The following CDK15 variants were observed in gnomAD, a reference collection of about 807,000 sequenced individuals.
CDK15 encodes the protein cyclin-dependent kinase 15.
A neutral mutation model predicts 60.3 loss-of-function variants in CDK15; 62 were observed. That is an observed-to-expected ratio of 1.03 (90% CI 0.84 to 1.27). The LOEUF (loss-of-function observed/expected upper bound fraction) is 1.27. Among genes scored for constraint, CDK15 ranks in the 50% most tolerant of loss-of-function variants. CDK15 has a pLI of 0.00. For synonymous variants in CDK15, 194 were observed against 195.7 expected, an observed-to-expected ratio of 0.99 and a Z score of 0.07; for missense variants, 541 against 527.8, an observed-to-expected ratio of 1.03 and a Z score of -0.25.
intron 8 of CDK15, among the ~76,000 whole-genome samples, chr2:201,842,985 G>C (rs986952587): frequency 6.6e-6 from 1 of 152,018 alleles, no homozygotes; most frequent in Non-Finnish European, 1.5e-5. Flanking sequence ...AAGATTTAAG[G>C]ACAAAACAGA....
chr2:201,846,746 T>C (rs1299391142), intron 8 of CDK15, among the ~76,000 whole-genome samples: 1 of 152,138 alleles, frequency 6.6e-6, no homozygotes, highest in African/African-American at 2.4e-5. Context: ...TAAGAAATGC[T>C]GCATCATCAA....
intron 11 of CDK15, 107 bp downstream of exon 11, chr2:201,872,433 G>A (rs929343511): frequency 2.1e-5 from 25 of 1,171,674 alleles, no homozygotes; most frequent in Non-Finnish European, 3.2e-5. Flanking sequence ...GCACTTCCAT[G>A]TGGGGGCTCT....
At chr2:201,823,456 T>C (rs1696320963) in intron 5 of CDK15, among the ~76,000 whole-genome samples, 1 of 152,216 alleles carries the variant, frequency 6.6e-6, no homozygotes, top group Non-Finnish European at 1.5e-5. Context: ...GAAACAGGCT[T>C]TGTTCTAAGA....
rs1372965885 is a variant in CDK15, at chr2:201,894,925, T to C, written c.*1658T>C. On this transcript the variant is annotated 3_prime_UTR_variant, in exon 14 of 14. Transcript: ENST00000652192. The stretch of plus-strand genomic sequence containing the variant: ...TCATCTGACTTAAATTCTTACACTT[T>C]GGGCTACAACTTAAAAAAGGCTATG... 2.0e-5 allele frequency: 3 copies of C among 152,232 alleles called. No homozygotes were observed. The highest frequency in any genetic ancestry group is 7.2e-5 in the African/African-American group (3 of 41,464). The allele number at this position is 152,232 out of a possible 1,614,324, so 9.4% of individuals were successfully genotyped here. A position where few individuals can be genotyped will look rare whatever the true frequency, so the allele number is the denominator to read the frequency against.
At chr2:201,823,048 C>A (rs181959406) in intron 5 of CDK15, 145 bp downstream of exon 5, 19 of 599,310 alleles carry the variant, frequency 3.2e-5, no homozygotes, top group Non-Finnish European at 4.7e-5. Context: ...ATTAGTAGAA[C>A]CTTATTGTTC....
intron 10 of CDK15, among the ~76,000 whole-genome samples, chr2:201,871,895 G>A (rs1457784739): frequency 2.0e-5 from 3 of 151,940 alleles, no homozygotes; most frequent in East Asian, 1.9e-4. Flanking sequence ...CTTCTCTGAC[G>A]CACGTCTATT....
chr2:201,858,204 C>T (rs529514969), intron 10 of CDK15, among the ~76,000 whole-genome samples: 5 of 152,306 alleles, frequency 3.3e-5, no homozygotes, highest in African/African-American at 9.6e-5. Flanking sequence ...TCGGATTTCT[C>T]TGACAGTTAA....
chr2:201,862,817 A>G (rs534204398), intron 10 of CDK15, among the ~76,000 whole-genome samples: 15 of 152,328 alleles, frequency 9.8e-5, no homozygotes, highest in Admixed American at 4.6e-4. Flanking sequence ...CAAAGGGCAG[A>G]TATAATGATT....
At chr2:201,822,702 C>T in intron 4 of CDK15, 107 bp from the exon 5 acceptor site, 5 of 606,110 alleles carry the variant, frequency 8.2e-6, no homozygotes, top group Non-Finnish European at 1.5e-5. Context: ...AGTAAAATAA[C>T]CAGAATGTTT....
chr2:201,879,998 A>G (rs772479995), intron 11 of CDK15, 30 bp from the exon 12 acceptor site: 3 of 1,609,526 alleles, frequency 1.9e-6, no homozygotes, highest in Admixed American at 1.7e-5. Flanking sequence ...GCTGCTGGAG[A>G]AACTCTATTT....
chr2:201,827,808 G>A (rs1344799067), intron 6 of CDK15, among the ~76,000 whole-genome samples: 1 of 152,170 alleles, frequency 6.6e-6, no homozygotes, highest in Non-Finnish European at 1.5e-5. Flanking sequence ...ACTTCAGTGA[G>A]CAGACAAGTG....
chr2:201,886,163 C>A (rs1192588025), intron 12 of CDK15, among the ~76,000 whole-genome samples: 1 of 152,104 alleles, frequency 6.6e-6, no homozygotes, highest in Non-Finnish European at 1.5e-5. Flanking sequence ...CCACACATCT[C>A]CAGGTAGCGT....
rs547917691 is a variant in CDK15 at position 201,865,324 on chromosome 2, G to A, written c.1010-6954G>A. On this transcript the variant is annotated intron_variant, in intron 10 of 13. Coordinates refer to ENST00000652192, the MANE Select transcript of CDK15 (RefSeq NM_001366386.2). ...AGTTCAGTCATAGCCCTGCCTCTAAGAGAGGGGAGAGTCCTGACTATGCCC... is the reference window on the plus strand; with the variant it reads ...AGTTCAGTCATAGCCCTGCCTCTAAAAGAGGGGAGAGTCCTGACTATGCCC... 1.3e-4 allele frequency among the ~76,000 whole-genome samples: 20 copies of A among 151,606 alleles called. No homozygotes were observed. The East Asian group carries it at 3.9e-3, about 29-fold the overall frequency.
At chr2:201,883,002 T>C (rs1423841658) in intron 12 of CDK15, among the ~76,000 whole-genome samples, 2 of 152,102 alleles carry the variant, frequency 1.3e-5, no homozygotes, top group Non-Finnish European at 2.9e-5. Context: ...TGCAGGGACA[T>C]AGAAACTCCA....
At chr2:201,878,981 A>T (rs1699179772) in intron 11 of CDK15, among the ~76,000 whole-genome samples, 1 of 152,208 alleles carries the variant, frequency 6.6e-6, no homozygotes, top group African/African-American at 2.4e-5. Flanking sequence ...TTGTACTTAG[A>T]CATCTGTGTG....
chr2:201,884,086 T>C (rs1426000913), intron 12 of CDK15, among the ~76,000 whole-genome samples: 1 of 152,194 alleles, frequency 6.6e-6, no homozygotes, highest in Non-Finnish European at 1.5e-5. Flanking sequence ...CAGACACTGA[T>C]CCAGAAAAGT....
intron 5 of CDK15, 80 bp from the exon 6 acceptor site, chr2:201,823,585 T>G: frequency 8.1e-7 from 1 of 1,242,150 alleles, no homozygotes; most frequent in Non-Finnish European, 1.2e-6. Flanking sequence ...CTTCTGACAG[T>G]CAAGTCAATG....
rs1377753364 is a variant in CDK15 at position 201,895,392 on chromosome 2, T to A, written c.*2125T>A. 1.3e-5 allele frequency: 2 copies of A among 152,260 alleles called. No homozygotes were observed. Among genetic ancestry groups the A allele is most frequent in the Admixed American group, 1.3e-4 (2 of 15,292 alleles). The allele number at this position is 152,260 out of a possible 1,614,324, so 9.4% of individuals were successfully genotyped here. ...CTTTATAATGGAGGAACATTATGCTTATGCATATGCATATACCTTATGCAT... is the reference window on the plus strand; with the variant it reads ...CTTTATAATGGAGGAACATTATGCTAATGCATATGCATATACCTTATGCAT... On this transcript the variant is annotated 3_prime_UTR_variant, in exon 14 of 14. Coordinates refer to ENST00000652192, the MANE Select transcript of CDK15 (RefSeq NM_001366386.2).
intron 12 of CDK15, among the ~76,000 whole-genome samples, chr2:201,883,893 GC>G (rs1482642012): frequency 1.3e-5 from 2 of 152,146 alleles, no homozygotes; most frequent in Non-Finnish European, 2.9e-5. Flanking sequence ...AATTCTCTTT[GC>G]CCTCAGCATG....
Sources: allele counts gnomAD v4.1 joint callset (sites outside exome capture counted in the v4.1 genomes callset), GRCh38; gene constraint gnomAD v4.1.1; transcripts MANE v1.5; gene names NCBI Gene and HGNC (gene_info 2026-07-23, HGNC 2026-07-21).